TBC1D1: variants seen among roughly 807,000 people sequenced by gnomAD.
TBC1D1 encodes TBC1 (tre-2/USP6, BUB2, cdc16) domain family, member 1.
A neutral mutation model predicts 125.6 loss-of-function variants in TBC1D1; 89 were observed. The observed-to-expected ratio is 0.71, with a 90% CI of 0.60 to 0.85. The LOEUF (loss-of-function observed/expected upper bound fraction) is 0.85, where lower values mean the gene tolerates loss of function less well. TBC1D1 is among the 40% of genes least tolerant of loss of function. The pLI, the probability that TBC1D1 is intolerant of heterozygous loss-of-function variation, is 0.00. For synonymous variants in TBC1D1, 565 were observed against 564.1 expected (o/e 1.00, Z -0.02); for missense variants, 1,377 against 1,469.2 (o/e 0.94, Z 1.03).
chr4:38,025,212 A>G (rs113958224), intron 6 of TBC1D1, among the ~76,000 whole-genome samples: 38 of 152,372 alleles, frequency 2.5e-4, no homozygotes, highest in African/African-American at 7.7e-4. Context: ...CTCACTGACC[A>G]GAGGAGCCAG....
intron 12 of TBC1D1, among the ~76,000 whole-genome samples, chr4:38,074,855 G>C (rs1755306570): frequency 6.6e-6 from 1 of 151,862 alleles, no homozygotes; most frequent in South Asian, 2.1e-4. Context: ...TCTGCCTCCG[G>C]GTTCAAATGA....
chr4:38,018,270 G>A lies in TBC1D1; in HGVS notation c.883-84G>A. 4.0e-6 allele frequency: 4 copies of A among 997,108 alleles called. No homozygotes were observed. In the South Asian group the frequency reaches 5.7e-5, roughly 14 times the overall value. The allele number at this position is 997,108 out of a possible 1,614,324, so 61.8% of individuals were successfully genotyped here. ...CGATGATAGAGTCAGAATTTTATAGGAGCTTGTCCCTTTTATTCTTTATTT... is the reference window on the plus strand; with the variant it reads ...CGATGATAGAGTCAGAATTTTATAGAAGCTTGTCCCTTTTATTCTTTATTT... On this transcript the variant is annotated intron_variant, in intron 3 of 19. Transcript: ENST00000261439.
At chr4:37,969,935 T>C (rs1405954924) in intron 2 of TBC1D1, among the ~76,000 whole-genome samples, 2 of 152,214 alleles carry the variant, frequency 1.3e-5, no homozygotes, top group African/African-American at 4.8e-5. Context: ...CGGTAACTAC[T>C]AGTCTATTTT....
chr4:38,028,322 C>G (rs886295272), intron 7 of TBC1D1, among the ~76,000 whole-genome samples: 8 of 152,172 alleles, frequency 5.3e-5, no homozygotes, highest in African/African-American at 1.9e-4. Flanking sequence ...CACGCCACCA[C>G]GCCTGGCTAA....
chr4:37,922,958 CT>C (rs1274501126), intron 2 of TBC1D1, among the ~76,000 whole-genome samples: 2 of 149,104 alleles, frequency 1.3e-5, no homozygotes, highest in Admixed American at 6.7e-5. Flanking sequence ...AGTTCTCTCT[CT>C]TTTTTTTTTA....
chr4:37,973,958 G>C (rs767130398), intron 2 of TBC1D1, among the ~76,000 whole-genome samples: 16 of 152,214 alleles, frequency 1.1e-4, no homozygotes, highest in Non-Finnish European at 1.8e-4. Flanking sequence ...CCAACAGCCA[G>C]TTGCTGCTGA....
Position 38,020,642 on chromosome 4 carries a change from G to C in TBC1D1, c.1024G>C (p.Gly342Arg). ...GTTTATCTGTCGGGAGTCTTCCGGA[G>C]GTGGCGGCTTTCATTTTGTCTGTTA... The change falls in exon 5 of 20, where the codon GGT (glycine) becomes CGT (arginine). Residue 342 changes from glycine (G) to arginine (R), a missense_variant. This residue lies in a region of TBC1D1 where 822 missense variants were observed against 824.6 expected (regional missense o/e 1.00). Transcript: ENST00000261439. 1 of 1,613,398 alleles carries C rather than the reference G, an allele frequency of 6.2e-7. No individual in the cohort carries two copies. The highest frequency in any genetic ancestry group is 8.5e-7 in the Non-Finnish European group (1 of 1,179,578).
chr4:38,042,045 G>A (rs954786245), intron 8 of TBC1D1, among the ~76,000 whole-genome samples: 26 of 151,876 alleles, frequency 1.7e-4, no homozygotes, highest in Admixed American at 5.9e-4. Flanking sequence ...ATGTGGTGGC[G>A]CACACTTGTA....
At chr4:38,028,422 C>T (rs1195394306) in intron 7 of TBC1D1, among the ~76,000 whole-genome samples, 2 of 152,224 alleles carry the variant, frequency 1.3e-5, no homozygotes, top group Non-Finnish European at 2.9e-5. Flanking sequence ...CCTTGGCCTC[C>T]CAAAGTGCTG....
intron 19 of TBC1D1, among the ~76,000 whole-genome samples, chr4:38,133,513 C>T (rs1176664216): frequency 2.0e-5 from 3 of 152,178 alleles, no homozygotes; most frequent in Admixed American, 2.0e-4. Flanking sequence ...TTTTAGGGGA[C>T]AGGCCCAGAG....
intron 12 of TBC1D1, among the ~76,000 whole-genome samples, chr4:38,060,167 A>G (rs527322320): frequency 1.3e-5 from 2 of 152,300 alleles, no homozygotes; most frequent in South Asian, 4.1e-4. Context: ...GCTATTGTGA[A>G]TAGTGCTGCA....
chr4:38,019,062 C>A (rs751639452), intron 4 of TBC1D1, among the ~76,000 whole-genome samples: 3 of 152,010 alleles, frequency 2.0e-5, no homozygotes, highest in Non-Finnish European at 2.9e-5. Flanking sequence ...TGATAATCTT[C>A]CAGGTGTTTC....
At chr4:37,926,739 G>A (rs1722205565) in intron 2 of TBC1D1, among the ~76,000 whole-genome samples, 1 of 152,220 alleles carries the variant, frequency 6.6e-6, no homozygotes, top group Non-Finnish European at 1.5e-5. Flanking sequence ...CACCAACTCT[G>A]TGTTACACAG....
At chr4:37,898,848 G>A (rs898465960) in intron 1 of TBC1D1, among the ~76,000 whole-genome samples, 14 of 152,154 alleles carry the variant, frequency 9.2e-5, no homozygotes, top group South Asian at 2.1e-4. Context: ...GAGAGGAACC[G>A]TATGCACCAT....
At chr4:38,109,166 G>T (rs564629221) in intron 15 of TBC1D1, among the ~76,000 whole-genome samples, 1 of 152,218 alleles carries the variant, frequency 6.6e-6, no homozygotes, top group Non-Finnish European at 1.5e-5. Flanking sequence ...GTTATCTCAC[G>T]CACCTGTCTG....
At chr4:37,994,791 C>G (rs1175049066) in intron 2 of TBC1D1, among the ~76,000 whole-genome samples, 1 of 152,154 alleles carries the variant, frequency 6.6e-6, no homozygotes, top group Non-Finnish European at 1.5e-5. Context: ...TCCTAATGCC[C>G]TAGGCTTTTT....
chr4:38,077,473 G>A (rs978242446), intron 12 of TBC1D1, among the ~76,000 whole-genome samples: 9 of 152,100 alleles, frequency 5.9e-5, no homozygotes, highest in Non-Finnish European at 8.8e-5. Context: ...TAATTTTGGG[G>A]TTGAAACTCT....
intron 2 of TBC1D1, among the ~76,000 whole-genome samples, chr4:37,931,046 T>G (rs551242316): frequency 6.6e-6 from 1 of 152,192 alleles, no homozygotes; most frequent in African/African-American, 2.4e-5. Flanking sequence ...GTCTCCTGTA[T>G]GCCATTTACC....
At chr4:37,897,820 G>A (rs536233230) in intron 1 of TBC1D1, among the ~76,000 whole-genome samples, 5 of 152,118 alleles carry the variant, frequency 3.3e-5, no homozygotes, top group East Asian at 1.9e-4. Context: ...AGTAGAAGTC[G>A]ATCCAGACAT....
Sources: gnomAD v4.1 joint callset for allele counts (sites outside exome capture counted in the v4.1 genomes callset) on GRCh38, gnomAD v4.1.1 for gene constraint, gnomAD v4.1.1 regional missense constraint, MANE v1.5 for transcripts, NCBI Gene and HGNC (gene_info 2026-07-23, HGNC 2026-07-21) for gene names.